ARPC5: variants seen among roughly 807,000 people sequenced by gnomAD.
ARPC5 encodes actin related protein 2/3 complex subunit 5.
Under a neutral mutation model 15.4 loss-of-function variants are expected in ARPC5, and 5 were observed. The ratio of observed to expected loss-of-function variants is 0.32; its 90% CI spans 0.17 to 0.68. The LOEUF (loss-of-function observed/expected upper bound fraction) is 0.68. Ranked by LOEUF, ARPC5 falls within the 30% of genes least tolerant of loss-of-function variation. The pLI, the probability that ARPC5 is intolerant of heterozygous loss-of-function variation, is 0.71. For synonymous variants in ARPC5, 85 were observed against 72.2 expected, an observed-to-expected ratio of 1.18 and a Z score of -0.90; for missense variants, 138 against 192.8, an observed-to-expected ratio of 0.72 and a Z score of 1.68.
chr1:183,628,846 G>A (rs1211777001), intron 3 of ARPC5, among the ~76,000 whole-genome samples: 1 of 152,230 alleles, frequency 6.6e-6, no homozygotes, highest in Non-Finnish European at 1.5e-5. Flanking sequence ...CATGGAAGAT[G>A]AAGCTAGACT....
Position 183,621,654 on chromosome 1 carries a change from T to C in ARPC5, c.*5878A>G, listed in dbSNP as rs907027614. The C allele has an allele frequency of 6.6e-6, 1 of 152,244 alleles. No homozygotes were observed. Among genetic ancestry groups the C allele is most frequent in the African/African-American group, 2.4e-5 (1 of 41,478 alleles). 9.4% of individuals were successfully genotyped at this position (152,244 alleles called of 1,614,324 possible). ...CATTTTAACGGTTATTTCTTGATGA[T>C]ATGCTAAACAAGGGGTGTATTATTC... is the stretch of plus-strand genomic sequence containing the variant. On this transcript the variant is annotated 3_prime_UTR_variant, in exon 4 of 4. Coordinates refer to ENST00000359856, the MANE Select transcript of ARPC5 (RefSeq NM_005717.4).
Position 183,622,051 on chromosome 1 carries a change from A to G in ARPC5, c.*5481T>C, listed in dbSNP as rs1485634917. ...GTTCTTTATGTATTGATAGGAAATT[A>G]CCACCAAAATATACTGTTAATGAAA... On this transcript the variant is annotated 3_prime_UTR_variant, in exon 4 of 4. Transcript: ENST00000359856. 6.6e-6 allele frequency: 1 copy of G among 152,226 alleles called. No homozygotes were observed. The highest frequency in any genetic ancestry group is 1.9e-4 in the East Asian group (1 of 5,204). 9.4% of individuals were successfully genotyped at this position (152,226 alleles called of 1,614,324 possible).
chr1:183,623,343 G>T lies in ARPC5; in HGVS notation c.*4189C>A. On this transcript the variant is annotated 3_prime_UTR_variant, in exon 4 of 4. Transcript: ENST00000359856. ...GGAAAATAGAAATGTTAAAGTGAAT[G>T]CTGTGTCCCATGTTGCTTGTGGTTG... 1 of 1,295,148 alleles carries T rather than the reference G, an allele frequency of 7.7e-7. No individual in the cohort carries two copies. Among genetic ancestry groups the T allele is most frequent in the South Asian group, 1.3e-5 (1 of 78,624 alleles). The allele number at this position is 1,295,148 out of a possible 1,614,324, so 80.2% of individuals were successfully genotyped here. A position where few individuals can be genotyped will look rare whatever the true frequency, so the allele number is the denominator to read the frequency against.
chr1:183,623,349 T>C lies in ARPC5; in HGVS notation c.*4183A>G, dbSNP rs1413972604. 2.3e-5 allele frequency: 31 copies of C among 1,358,280 alleles called. No homozygotes were observed. Among genetic ancestry groups the C allele is most frequent in the Non-Finnish European group, 3.2e-5 (31 of 971,904 alleles). The allele number at this position is 1,358,280 out of a possible 1,614,324, so 84.1% of individuals were successfully genotyped here. ...TAGAAATGTTAAAGTGAATGCTGTG[T>C]CCCATGTTGCTTGTGGTTGGATCAT... On this transcript the variant is annotated 3_prime_UTR_variant, in exon 4 of 4. Coordinates refer to ENST00000359856, the MANE Select transcript of ARPC5 (RefSeq NM_005717.4).
rs898704765 is a variant in ARPC5 at position 183,623,559 on chromosome 1, G to A, written c.*3973C>T. 4.4e-5 allele frequency: 68 copies of A among 1,538,760 alleles called. No individual in the cohort carries two copies. In the South Asian group the frequency reaches 5.0e-4, roughly 11 times the overall value. On this transcript the variant is annotated 3_prime_UTR_variant, in exon 4 of 4. Coordinates refer to ENST00000359856, the MANE Select transcript of ARPC5 (RefSeq NM_005717.4). ...GGAGAGGGAGTGGGGCAGAGGTCCCGCGGCAGGAATATGGACAGAAGCAGC... is the reference window on the plus strand; with the variant it reads ...GGAGAGGGAGTGGGGCAGAGGTCCCACGGCAGGAATATGGACAGAAGCAGC...
chr1:183,627,585 C>A lies in ARPC5; in HGVS notation c.403G>T (p.Ala135Ser), dbSNP rs781105316. Reference sequence around the variant, plus strand: ...CGAACAATGGACCCTACTCCTCCAGCAGCAAGTGCCTAAAAACAAACCAAG... The same window carrying A: ...CGAACAATGGACCCTACTCCTCCAGAAGCAAGTGCCTAAAAACAAACCAAG... ...LLQWHEKALAAGGVGSIVRVL... is the reference protein window; with the variant it reads ...LLQWHEKALASGGVGSIVRVL... The change falls in exon 4 of 4, where the codon GCT becomes TCT. Residue 135 changes from alanine (A) to serine (S), a missense_variant. Physicochemically the swap from Ala to Ser is moderately conservative, Grantham distance 99. Coordinates refer to ENST00000359856, the MANE Select transcript of ARPC5 (RefSeq NM_005717.4). 14 of 1,613,718 alleles carry A rather than the reference C, an allele frequency of 8.7e-6. No homozygotes were observed. Among genetic ancestry groups the A allele is most frequent in the Non-Finnish European group, 1.1e-5 (13 of 1,179,728 alleles).
At chr1:183,628,334 A>T (rs1649172321) in intron 3 of ARPC5, among the ~76,000 whole-genome samples, 1 of 152,022 alleles carries the variant, frequency 6.6e-6, no homozygotes, top group African/African-American at 2.4e-5. Flanking sequence ...CCTTTGTCAG[A>T]TTTTTTTTCT....
In ARPC5 at chr1:183,630,559, C is replaced by G; in HGVS notation, c.295G>C (p.Asp99His). 6.2e-7 allele frequency: 1 copy of G among 1,613,994 alleles called. No individual in the cohort carries two copies. Among genetic ancestry groups the G allele is most frequent in the East Asian group, 2.2e-5 (1 of 44,880 alleles). The change falls in exon 3 of 4, where the codon GAC (aspartate) becomes CAC (histidine). Residue 99 changes from aspartate to histidine, a missense_variant. By Grantham distance (81) the Asp-to-His change is moderately conservative (BLOSUM62 -1). Transcript: ENST00000359856. ...ATTAGGAGATCCACACCATTCTTGTCCAGAGATTGAACTGCCTTTTCTATA... is the reference window on the plus strand; with the variant it reads ...ATTAGGAGATCCACACCATTCTTGTGCAGAGATTGAACTGCCTTTTCTATA... ...NDIEKAVQSL[D>H]KNGVDLLMKY...
rs1213248418 is a variant in ARPC5 at position 183,624,304 on chromosome 1, G to T, written c.*3228C>A. 6.6e-6 allele frequency: 1 copy of T among 151,962 alleles called. No homozygotes were observed. 9.4% of individuals were successfully genotyped at this position (151,962 alleles called of 1,614,324 possible). A position where few individuals can be genotyped will look rare whatever the true frequency, so the allele number is the denominator to read the frequency against. On this transcript the variant is annotated 3_prime_UTR_variant, in exon 4 of 4. Transcript: ENST00000359856. ...GGGCGGATCACGAGGTCAGGAGATC[G>T]AGACCATCCTGGCTAACACGGTGAA...
rs1387956687 is a variant in ARPC5 at position 183,623,508 on chromosome 1, T to C, written c.*4024A>G. On this transcript the variant is annotated 3_prime_UTR_variant, in exon 4 of 4. Coordinates refer to ENST00000359856, the MANE Select transcript of ARPC5 (RefSeq NM_005717.4). ...GTTTTCACATTGGGGTTTTCACATATTGTACTAGTGACATTGGGGTGAGGG... is the reference window on the plus strand; with the variant it reads ...GTTTTCACATTGGGGTTTTCACATACTGTACTAGTGACATTGGGGTGAGGG... The C allele has an allele frequency of 1.9e-6, 3 of 1,550,200 alleles. No homozygotes were observed.
intron 2 of ARPC5, 38 bp from the exon 3 acceptor site, chr1:183,630,675 C>T: frequency 6.3e-7 from 1 of 1,580,734 alleles, no homozygotes; most frequent in Non-Finnish European, 8.6e-7. Flanking sequence ...TTAGACATAT[C>T]TGTATGAGGA....
intron 3 of ARPC5, among the ~76,000 whole-genome samples, chr1:183,628,838 T>G (rs547270190): frequency 6.6e-6 from 1 of 152,292 alleles, no homozygotes; most frequent in African/African-American, 2.4e-5. Context: ...AAGAATGACA[T>G]GGAAGATGAA....
At chr1:183,635,417 C>T in intron 1 of ARPC5, 100 bp downstream of exon 1, 1 of 1,392,390 alleles carries the variant, frequency 7.2e-7, no homozygotes, top group Non-Finnish European at 9.5e-7. Flanking sequence ...GAGAGGGCAG[C>T]TCCGCGCCGG....
At position 183,624,772 on chromosome 1, in the gene ARPC5, TCTC is replaced by T. The variant is rs1649046880; in HGVS notation, c.*2757_*2759del. 1 of 152,172 alleles carries T rather than the reference TCTC, an allele frequency of 6.6e-6. No individual in the cohort carries two copies. The highest frequency in any genetic ancestry group is 2.4e-5 in the African/African-American group (1 of 41,422). The allele number at this position is 152,172 out of a possible 1,614,324, so 9.4% of individuals were successfully genotyped here. A position where few individuals can be genotyped will look rare whatever the true frequency, so the allele number is the denominator to read the frequency against. ...AAATGCTAAATTGTATGACGTTAAT[TCTC>T]TTTTTTTTTGTATGACATAATTTTC... On this transcript the variant is annotated 3_prime_UTR_variant, in exon 4 of 4. Transcript: ENST00000359856.
At position 183,623,597 on chromosome 1, in the gene ARPC5, C is replaced by T; in HGVS notation, c.*3935G>A. On this transcript the variant is annotated 3_prime_UTR_variant, in exon 4 of 4. Coordinates refer to ENST00000359856, the MANE Select transcript of ARPC5 (RefSeq NM_005717.4). ...GGACAGAAGCAGCCTTGTTTAAGGGCACTTGGTTCTACAGAGGCCGTTGGT... is the reference window on the plus strand; with the variant it reads ...GGACAGAAGCAGCCTTGTTTAAGGGTACTTGGTTCTACAGAGGCCGTTGGT... The T allele has an allele frequency of 6.6e-6, 9 of 1,364,766 alleles. No individual in the cohort carries two copies. Among genetic ancestry groups the T allele is most frequent in the Non-Finnish European group, 8.1e-6 (8 of 982,052 alleles). The allele number at this position is 1,364,766 out of a possible 1,614,324, so 84.5% of individuals were successfully genotyped here.
Position 183,627,504 on chromosome 1 carries a change from C to T in ARPC5, c.*28G>A, listed in dbSNP as rs765765483. On this transcript the variant is annotated 3_prime_UTR_variant, in exon 4 of 4. Coordinates refer to ENST00000359856, the MANE Select transcript of ARPC5 (RefSeq NM_005717.4). ...TCTTTGTACCAGCAATTCCCACTCC[C>T]GAGGCAGATAATCCACTTCCTGCCA... The T allele has an allele frequency of 2.2e-5, 35 of 1,606,466 alleles. No homozygotes were observed. Among genetic ancestry groups the T allele is most frequent in the Middle Eastern group, 1.6e-4 (1 of 6,068 alleles).
At position 183,622,622 on chromosome 1, in the gene ARPC5, A is replaced by G. The variant is rs1434755773; in HGVS notation, c.*4910T>C. 6.6e-6 allele frequency: 1 copy of G among 152,252 alleles called. No homozygotes were observed. Among genetic ancestry groups the G allele is most frequent in the Non-Finnish European group, 1.5e-5 (1 of 68,046 alleles). The allele number at this position is 152,252 out of a possible 1,614,324, so 9.4% of individuals were successfully genotyped here. A position where few individuals can be genotyped will look rare whatever the true frequency, so the allele number is the denominator to read the frequency against. On this transcript the variant is annotated 3_prime_UTR_variant, in exon 4 of 4. Coordinates refer to ENST00000359856, the MANE Select transcript of ARPC5 (RefSeq NM_005717.4). ...ATCTCTGCTCTTAGAAGGTGATGCC[A>G]CAGAATAATGAACAGATCATATAAA... is the stretch of plus-strand genomic sequence containing the variant.
Position 183,627,275 on chromosome 1 carries a change from A to G in ARPC5, c.*257T>C. ...AACTTGAATGTAAATTATACTATAT[A>G]CAGATTGGTATAAACATCACTGAAA... On this transcript the variant is annotated 3_prime_UTR_variant, in exon 4 of 4. Transcript: ENST00000359856. The G allele has an allele frequency of 4.1e-6, 2 of 484,374 alleles. No individual in the cohort carries two copies. The highest frequency in any genetic ancestry group is 3.8e-6 in the Non-Finnish European group (1 of 263,898). The allele number at this position is 484,374 out of a possible 1,614,324, so 30.0% of individuals were successfully genotyped here.
intron 1 of ARPC5, 106 bp downstream of exon 1, chr1:183,635,411 G>A (rs1420641639): frequency 5.2e-6 from 7 of 1,337,352 alleles, no homozygotes; most frequent in Non-Finnish European, 7.0e-6. Context: ...CAGGTTGAGA[G>A]GGCAGCTCCG....
Sources: gnomAD v4.1 joint callset for allele counts (sites outside exome capture counted in the v4.1 genomes callset) on GRCh38, gnomAD v4.1.1 for gene constraint, MANE v1.5 for transcripts, NCBI Gene and HGNC (gene_info 2026-07-23, HGNC 2026-07-21) for gene names.